Variants in PLAGL1 observed in about 807,000 individuals in gnomAD.
PLAGL1 encodes the protein zinc finger protein PLAGL1.
In PLAGL1, 1 loss-of-function variant was observed where a neutral mutation model predicts 4.6. That is an observed-to-expected ratio of 0.22 (90% CI 0.08 to 1.03). The LOEUF is 1.03. Ranked by LOEUF, PLAGL1 falls within the 50% of genes least tolerant of loss-of-function variation. PLAGL1 has a pLI of 0.58. For synonymous variants in PLAGL1, 240 were observed against 237.8 expected (o/e 1.01, Z -0.08); for missense variants, 464 against 570.4 (o/e 0.81, Z 1.90).
chr6:144,009,824 C>T (rs146337895), upstream of PLAGL1, among the ~76,000 whole-genome samples: 1,410 of 152,284 alleles, frequency 9.3e-3, 7 homozygotes, highest in Middle Eastern at 0.014. Context: ...CAGCTTCATC[C>T]ATGTCCCTAC....
intron 2 of PLAGL1, among the ~76,000 whole-genome samples, chr6:143,974,514 C>T (rs755316468): frequency 1.2e-4 from 18 of 151,952 alleles, no homozygotes; most frequent in Non-Finnish European, 2.2e-4. Context: ...AAGACATTCC[C>T]TTATATTCAA....
rs913582087 is a variant in PLAGL1 at position 143,995,581 on chromosome 6, T to C, written c.-583-10407A>G. On this transcript the variant is annotated intron_variant, in intron 1 of 7. Coordinates refer to ENST00000674357, the MANE Select transcript of PLAGL1 (RefSeq NM_001317162.2). This position sits in a 1 kb window ranked among gnomAD's most constrained non-coding sequence, Gnocchi z 4.4. ...ATTTGTTGAATAAATTTATGAATGT[T>C]TTCTAAGTTAAATAGCTTTAAAAGC... Among the ~76,000 whole-genome samples the C allele has an allele frequency of 1.3e-5, 2 of 152,150 alleles. No individual in the cohort carries two copies. Among genetic ancestry groups the C allele is most frequent in the Non-Finnish European group, 2.9e-5 (2 of 67,980 alleles).
intron 1 of PLAGL1, among the ~76,000 whole-genome samples, chr6:144,029,090 C>T (rs894247096): frequency 5.8e-4 from 89 of 152,224 alleles, no homozygotes; most frequent in African/African-American, 2.0e-3. Context: ...ATACGAGTTG[C>T]ATAATAATCT....
At chr6:144,062,979 C>T (rs1799541134) in intron 1 of PLAGL1, among the ~76,000 whole-genome samples, 1 of 152,150 alleles carries the variant, frequency 6.6e-6, no homozygotes, top group Non-Finnish European at 1.5e-5. Context: ...GTGCCTTTTT[C>T]AAACCATCCT....
chr6:144,031,636 C>T (rs1040553878), intron 1 of PLAGL1, among the ~76,000 whole-genome samples: 1 of 152,132 alleles, frequency 6.6e-6, no homozygotes, highest in Non-Finnish European at 1.5e-5. Context: ...TTTTTGTTTG[C>T]TTTGTCAATG....
rs937733083 is a variant in PLAGL1 at position 143,990,453 on chromosome 6, T to C, written c.-583-5279A>G. On this transcript the variant is annotated intron_variant, in intron 1 of 7. Transcript: ENST00000674357. This position sits in a 1 kb window ranked among gnomAD's most constrained non-coding sequence, Gnocchi z 5.4. ...CAATTTTTAAAGAACAAAACCTTCA[T>C]TGACCTCCTGGTCCCACTATACTCC... Among the ~76,000 whole-genome samples the C allele has an allele frequency of 9.8e-5, 15 of 152,288 alleles. No individual in the cohort carries two copies. Among genetic ancestry groups the C allele is most frequent in the East Asian group, 9.6e-4 (5 of 5,184 alleles).
At chr6:144,009,832 T>A (rs1279109643), upstream of PLAGL1, among the ~76,000 whole-genome samples, 1 of 152,222 alleles carries the variant, frequency 6.6e-6, no homozygotes, top group Non-Finnish European at 1.5e-5. Context: ...TCCATGTCCC[T>A]ACAAAGGACA....
rs1207824329 is a variant in PLAGL1, at chr6:143,965,961, A to T, written c.-431+197T>A. 6.6e-6 allele frequency: 1 copy of T among 152,206 alleles called. No individual in the cohort carries two copies. Among genetic ancestry groups the T allele is most frequent in the Non-Finnish European group, 1.5e-5 (1 of 68,054 alleles). 9.4% of individuals were successfully genotyped at this position (152,206 alleles called of 1,614,324 possible). On this transcript the variant is annotated intron_variant, in intron 4 of 7. Transcript: ENST00000674357. The surrounding 1 kb of genome is among the most constrained non-coding windows in gnomAD (Gnocchi z 7.5). ...GAGTTCACTCTATTGGCCCAAACTCAATTTTCATGTGGCTTCCTTTAAACA... is the reference window on the plus strand; with the variant it reads ...GAGTTCACTCTATTGGCCCAAACTCTATTTTCATGTGGCTTCCTTTAAACA...
chr6:144,016,262 G>A lies in PLAGL1; in HGVS notation c.-150-47284C>T, dbSNP rs2128693649. ...GAAGAACTTGGAGTCTGATGTTAGA[G>A]GGCAGGAAGCATCCAGCATGGGAGA... is the stretch of plus-strand genomic sequence containing the variant. On this transcript the variant is annotated intron_variant, in intron 1 of 3. Transcript: ENST00000437412. The surrounding 1 kb of genome is among the most constrained non-coding windows in gnomAD (Gnocchi z 4.2). Among the ~76,000 whole-genome samples the A allele has an allele frequency of 6.6e-6, 1 of 152,296 alleles. No individual in the cohort carries two copies. Among genetic ancestry groups the A allele is most frequent in the East Asian group, 1.9e-4 (1 of 5,188 alleles).
intron 1 of PLAGL1, chr6:144,007,869 G>C (rs1025886660): frequency 2.6e-5 from 4 of 152,208 alleles, no homozygotes; most frequent in Non-Finnish European, 4.4e-5. Context: ...GCGGCGTCCA[G>C]GGGGTCCGGC....
chr6:144,003,623 CAA>C (rs371417312), intron 1 of PLAGL1, among the ~76,000 whole-genome samples: 1 of 118,144 alleles, frequency 8.5e-6, no homozygotes. Context: ...GACTCCATCT[CAA>C]AAAAAAAAAA....
chr6:144,026,825 T>C (rs180701889), intron 1 of PLAGL1, among the ~76,000 whole-genome samples: 108 of 152,278 alleles, frequency 7.1e-4, no homozygotes, highest in Middle Eastern at 3.4e-3. Context: ...CATTTCTTTC[T>C]AAAGACAAAA....
intron 1 of PLAGL1, among the ~76,000 whole-genome samples, chr6:144,043,324 C>T (rs562519372): frequency 8.5e-4 from 130 of 152,240 alleles, no homozygotes; most frequent in Non-Finnish European, 9.1e-4. Context: ...TCATAAATAG[C>T]TCTTATTATT....
chr6:144,000,347 G>A lies in PLAGL1; in HGVS notation c.-584+7743C>T, dbSNP rs2128655021. On this transcript the variant is annotated intron_variant, in intron 1 of 7. Coordinates refer to ENST00000674357, the MANE Select transcript of PLAGL1 (RefSeq NM_001317162.2). This position sits in a 1 kb window ranked among gnomAD's most constrained non-coding sequence, Gnocchi z 4.1. ...AAAAAAATCATTTCTTGCAAATTAT[G>A]TATTTATGTAAATGGAAATATAATG... Among the ~76,000 whole-genome samples the A allele has an allele frequency of 6.6e-6, 1 of 152,200 alleles. No homozygotes were observed. The highest frequency in any genetic ancestry group is 2.4e-5 in the African/African-American group (1 of 41,552).
At position 143,971,125 on chromosome 6, in the gene PLAGL1, A is replaced by T. The variant is rs1395767214; in HGVS notation, c.-543-2147T>A. ...TTTTTTTATCTTCAAGTTAATACTT[A>T]TGAGGGTGAGAGTCTACCAATGATC... On this transcript the variant is annotated intron_variant, in intron 2 of 7. Coordinates refer to ENST00000674357, the MANE Select transcript of PLAGL1 (RefSeq NM_001317162.2). The surrounding 1 kb of genome is among the most constrained non-coding windows in gnomAD (Gnocchi z 4.7). Among the ~76,000 whole-genome samples the T allele has an allele frequency of 1.3e-5, 2 of 151,846 alleles. No individual in the cohort carries two copies. Among genetic ancestry groups the T allele is most frequent in the African/African-American group, 4.8e-5 (2 of 41,330 alleles).
intron 6 of PLAGL1, among the ~76,000 whole-genome samples, chr6:143,956,220 G>T (rs1323766432): frequency 6.6e-6 from 1 of 152,206 alleles, no homozygotes; most frequent in Non-Finnish European, 1.5e-5. Flanking sequence ...GAGTGGTTTG[G>T]TCAAGTGGGC....
Position 143,979,747 on chromosome 6 carries a change from G to A in PLAGL1, c.-544+5388C>T, listed in dbSNP as rs77918243. On this transcript the variant is annotated intron_variant, in intron 2 of 7. Coordinates refer to ENST00000674357, the MANE Select transcript of PLAGL1 (RefSeq NM_001317162.2). The surrounding 1 kb of genome is among the most constrained non-coding windows in gnomAD (Gnocchi z 4.6). ...ATCGTATGTATTTATTTACCTAGGT[G>A]GTTGCCATTTCTGGTGCTCTTTACT... Among the ~76,000 whole-genome samples, 1 of 151,640 alleles carries A rather than the reference G, an allele frequency of 6.6e-6. No homozygotes were observed. Among genetic ancestry groups the A allele is most frequent in the Non-Finnish European group, 1.5e-5 (1 of 67,852 alleles).
At chr6:144,002,564 G>A (rs12529147) in intron 1 of PLAGL1, among the ~76,000 whole-genome samples, 25,093 of 151,828 alleles carry the variant, frequency 0.17, 2,276 homozygotes, top group Admixed American at 0.27. Context: ...AAAACTATAA[G>A]TGAATTTAGC....
rs1790155172 is a variant in PLAGL1 at position 143,990,219 on chromosome 6, C to T, written c.-583-5045G>A. ...CACTGCAACCTCCGCCTACCGGGTT[C>T]AAGCGATTATCTTGCTTCAGCTTCC... On this transcript the variant is annotated intron_variant, in intron 1 of 7. Transcript: ENST00000674357. The surrounding 1 kb of genome is among the most constrained non-coding windows in gnomAD (Gnocchi z 5.4). 6.6e-6 allele frequency among the ~76,000 whole-genome samples: 1 copy of T among 151,988 alleles called. No homozygotes were observed. The highest frequency in any genetic ancestry group is 2.1e-4 in the South Asian group (1 of 4,826).
Sources: allele counts gnomAD v4.1 joint callset (sites outside exome capture counted in the v4.1 genomes callset), GRCh38; gene constraint gnomAD v4.1.1; non-coding constraint Gnocchi (gnomAD v3.1); transcripts MANE v1.5; gene names NCBI Gene and HGNC (gene_info 2026-07-23, HGNC 2026-07-21).